Variants in DSCAML1 observed in about 807,000 individuals in gnomAD.
The protein encoded by DSCAML1 is cell adhesion molecule DSCAML1.
A neutral mutation model predicts 200.5 loss-of-function variants in DSCAML1; 38 were observed. The ratio of observed to expected loss-of-function variants is 0.19; its 90% CI spans 0.15 to 0.25. DSCAML1 has a LOEUF of 0.25. DSCAML1 is among the 10% of genes least tolerant of loss of function. The pLI is 1.00. For synonymous variants in DSCAML1, 1,215 were observed against 1,165.0 expected, an observed-to-expected ratio of 1.04 and a Z score of -0.87; for missense variants, 2,223 against 2,858.8, an observed-to-expected ratio of 0.78 and a Z score of 5.07.
intron 18 of DSCAML1, among the ~76,000 whole-genome samples, chr11:117,459,988 T>G (rs2048447544): frequency 6.6e-6 from 1 of 151,966 alleles, no homozygotes; most frequent in Non-Finnish European, 1.5e-5. Context: ...TCTCCTGGAG[T>G]CAGAAACCAG....
intron 17 of DSCAML1, 82 bp downstream of exon 17, chr11:117,464,860 G>C (rs1169871966): frequency 1.4e-5 from 22 of 1,559,016 alleles, no homozygotes; most frequent in African/African-American, 2.7e-5. Context: ...GGCAAACAGA[G>C]GGACCCACAA....
At position 117,496,431 on chromosome 11, in the gene DSCAML1, G is replaced by C. The variant is rs576576849; in HGVS notation, c.2359+7414C>G. Among the ~76,000 whole-genome samples, 3 of 152,296 alleles carry C rather than the reference G, an allele frequency of 2.0e-5. No individual in the cohort carries two copies. The South Asian group carries it at 6.2e-4, about 32-fold the overall frequency. On this transcript the variant is annotated intron_variant, in intron 11 of 32. Transcript: ENST00000651296. ...TTCTGGGCTGCCCACTTAGGGCAGG[G>C]CTTGGAGGCACTGCTAAGCTCTGTG...
intron 3 of DSCAML1, among the ~76,000 whole-genome samples, chr11:117,634,779 C>T (rs945857577): frequency 2.0e-5 from 3 of 152,206 alleles, no homozygotes; most frequent in African/African-American, 4.8e-5. Flanking sequence ...AGGCTGCGGT[C>T]GTGGTGGTGG....
At chr11:117,706,226 A>G (rs972643970) in intron 3 of DSCAML1, among the ~76,000 whole-genome samples, 1 of 152,050 alleles carries the variant, frequency 6.6e-6, no homozygotes, top group South Asian at 2.1e-4. Context: ...TCCAATTTAC[A>G]TGAGCTGTGT....
chr11:117,546,187 G>C (rs1166160214), intron 3 of DSCAML1, among the ~76,000 whole-genome samples: 1 of 152,220 alleles, frequency 6.6e-6, no homozygotes, highest in East Asian at 1.9e-4. Flanking sequence ...TGGAGAGACA[G>C]GTGTCAGAAG....
At position 117,660,148 on chromosome 11, in the gene DSCAML1, A is replaced by G. The variant is rs930090337; in HGVS notation, c.511+116643T>C. 3.9e-5 allele frequency among the ~76,000 whole-genome samples: 6 copies of G among 152,126 alleles called. No individual in the cohort carries two copies. In the East Asian group the frequency reaches 5.8e-4, roughly 15 times the overall value. ...ACACAGGCCATAGGAAACAGCCCCA[A>G]TACATAAGCAGGGGCTCCTGCTTCC... On this transcript the variant is annotated intron_variant, in intron 3 of 32. Transcript: ENST00000651296.
chr11:117,780,862 C>G lies in DSCAML1; in HGVS notation c.47-52G>C. On this transcript the variant is annotated intron_variant, in intron 1 of 32. Transcript: ENST00000651296. The surrounding 1 kb of genome is among the most constrained non-coding windows in gnomAD (Gnocchi z 4.8). Reference sequence around the variant, plus strand: ...TGGTTAGCATGGGCTCTAACAATACCCATATAAGCCACGGAGGCTTGCGAC... The same window carrying G: ...TGGTTAGCATGGGCTCTAACAATACGCATATAAGCCACGGAGGCTTGCGAC... The G allele has an allele frequency of 7.4e-7, 1 of 1,356,428 alleles. No individual in the cohort carries two copies. Among genetic ancestry groups the G allele is most frequent in the South Asian group, 1.8e-5 (1 of 56,864 alleles). 84.0% of individuals were successfully genotyped at this position (1,356,428 alleles called of 1,614,324 possible). A position where few individuals can be genotyped will look rare whatever the true frequency, so the allele number is the denominator to read the frequency against.
chr11:117,637,473 G>A (rs1334638007), intron 3 of DSCAML1, among the ~76,000 whole-genome samples: 2 of 151,858 alleles, frequency 1.3e-5, no homozygotes, highest in African/African-American at 2.4e-5. Flanking sequence ...AGCCTCCCGA[G>A]TAGCTGGGAT....
At chr11:117,794,903 G>A (rs1289975054) in intron 1 of DSCAML1, among the ~76,000 whole-genome samples, 1 of 152,160 alleles carries the variant, frequency 6.6e-6, no homozygotes, top group South Asian at 2.1e-4. Context: ...AATCGCAGGG[G>A]CACCGGGCTC....
intron 1 of DSCAML1, among the ~76,000 whole-genome samples, chr11:117,814,894 G>C (rs1337960809): frequency 2.0e-5 from 3 of 152,216 alleles, no homozygotes; most frequent in Admixed American, 2.0e-4. Flanking sequence ...ATGGTCCTCG[G>C]ACATGAGACC....
chr11:117,779,328 G>A (rs1007626682), intron 2 of DSCAML1, among the ~76,000 whole-genome samples: 5 of 152,084 alleles, frequency 3.3e-5, no homozygotes, highest in Non-Finnish European at 4.4e-5. Flanking sequence ...GTGAAGAATG[G>A]CTGATCTTAG....
At chr11:117,590,388 G>A (rs762200405) in intron 3 of DSCAML1, among the ~76,000 whole-genome samples, 8 of 149,106 alleles carry the variant, frequency 5.4e-5, no homozygotes, top group Non-Finnish European at 1.0e-4. Flanking sequence ...AAAAAAACTT[G>A]TCCATGCACC....
In DSCAML1 at chr11:117,505,636, C is replaced by T. The variant is rs1375820988; in HGVS notation, c.1880G>A (p.Arg627His). The change falls in exon 9 of 33, where the codon CGT becomes CAT. Residue 627 changes from arginine (R) to histidine (H), a missense_variant. Physicochemically the swap from Arg to His is conservative, Grantham distance 29. Transcript: ENST00000651296. The surrounding 1 kb of genome is among the most constrained non-coding windows in gnomAD (Gnocchi z 6.7). ...CTGTCCGTCCTTCCTCCAGGTGATA[C>T]GGATGGGCATGTCCCCCGAGGACAC... Reference protein sequence around the residue: ...CVVSSGDMPIRITWRKDGQVI... With the variant: ...CVVSSGDMPIHITWRKDGQVI... 2.2e-5 allele frequency: 36 copies of T among 1,613,882 alleles called. No homozygotes were observed. Among genetic ancestry groups the T allele is most frequent in the Admixed American group, 5.0e-5 (3 of 60,008 alleles).
intron 8 of DSCAML1, among the ~76,000 whole-genome samples, chr11:117,509,947 T>C (rs2049585537): frequency 6.6e-6 from 1 of 152,194 alleles, no homozygotes; most frequent in African/African-American, 2.4e-5. Flanking sequence ...CATGAATGCC[T>C]CACAACCCAG....
At position 117,603,851 on chromosome 11, in the gene DSCAML1, T is replaced by C. The variant is rs151163280; in HGVS notation, c.512-71329A>G. 2.0e-5 allele frequency among the ~76,000 whole-genome samples: 3 copies of C among 152,348 alleles called. No individual in the cohort carries two copies. In the East Asian group the frequency reaches 5.8e-4, roughly 29 times the overall value. ...ATATTTGTATGAGGGTCAAATACTA[T>C]CACTACCACCAGCCGCTTGAATTCA... is the stretch of plus-strand genomic sequence containing the variant. On this transcript the variant is annotated intron_variant, in intron 3 of 32. Transcript: ENST00000651296.
chr11:117,453,361 T>C (rs1203885143), intron 19 of DSCAML1, among the ~76,000 whole-genome samples: 1 of 152,242 alleles, frequency 6.6e-6, no homozygotes, highest in East Asian at 1.9e-4. Flanking sequence ...CGTTGCATCA[T>C]TGAGCTTCCT....
intron 3 of DSCAML1, among the ~76,000 whole-genome samples, chr11:117,588,781 G>A (rs573963564): frequency 6.6e-6 from 1 of 152,296 alleles, no homozygotes; most frequent in East Asian, 1.9e-4. Context: ...AGGGGAGGCT[G>A]AGGCATGGCC....
chr11:117,793,263 G>T (rs2055508890), intron 1 of DSCAML1, among the ~76,000 whole-genome samples: 1 of 152,150 alleles, frequency 6.6e-6, no homozygotes, highest in South Asian at 2.1e-4. Context: ...AATCGACTGG[G>T]CTGGGAGCTG....
At chr11:117,488,220 C>T (rs1324214604) in intron 11 of DSCAML1, among the ~76,000 whole-genome samples, 2 of 152,214 alleles carry the variant, frequency 1.3e-5, no homozygotes, top group Non-Finnish European at 2.9e-5. Flanking sequence ...CCTCCTGTGC[C>T]CACAAATAGG....
Sources: gnomAD v4.1 joint callset for allele counts (sites outside exome capture counted in the v4.1 genomes callset) on GRCh38, gnomAD v4.1.1 for gene constraint, Gnocchi (gnomAD v3.1) non-coding constraint, MANE v1.5 for transcripts, NCBI Gene and HGNC (gene_info 2026-07-23, HGNC 2026-07-21) for gene names.